The following DIP2B variants were observed in gnomAD, a reference collection of about 807,000 sequenced individuals.
The protein encoded by DIP2B is disco-interacting protein 2 homolog B.
Under a neutral mutation model 198.0 loss-of-function variants are expected in DIP2B, and 76 were observed. The ratio of observed to expected loss-of-function variants is 0.38; its 90% CI spans 0.32 to 0.46. DIP2B has a LOEUF of 0.46. Ranked by LOEUF, DIP2B falls within the 20% of genes least tolerant of loss-of-function variation. DIP2B has a pLI of 0.99. For missense variants in DIP2B, 1,559 were observed against 1,978.4 expected, an observed-to-expected ratio of 0.79 and a Z score of 4.02; for synonymous variants, 701 against 739.1, an observed-to-expected ratio of 0.95 and a Z score of 0.84.
chr12:50,589,238 GTT>G (rs576557950), intron 1 of DIP2B, among the ~76,000 whole-genome samples: 2 of 126,752 alleles, frequency 1.6e-5, no homozygotes. Context: ...GTTTGTCTTT[GTT>G]TTTTTTTTTT....
chr12:50,640,685 C>T lies in DIP2B; in HGVS notation c.173-39C>T, dbSNP rs200013830. 3.7e-5 allele frequency: 60 copies of T among 1,606,648 alleles called. No homozygotes were observed. The East Asian group carries it at 9.0e-4, about 24-fold the overall frequency. On this transcript the variant is annotated intron_variant, in intron 2 of 37. Transcript: ENST00000301180. ...GTGCTTTAGAAAATGTTAGCTATTA[C>T]TGTTACTGGATAACCATCTTTTAAA...
At position 50,680,908 on chromosome 12, in the gene DIP2B, C is replaced by T. The variant is rs188526582; in HGVS notation, c.1206+145C>T. Reference sequence around the variant, plus strand: ...AAAAATAAAAATGGTTTGGTTCCAACGCAGGTTAGCCCAATGCCAGATGAC... The same window carrying T: ...AAAAATAAAAATGGTTTGGTTCCAATGCAGGTTAGCCCAATGCCAGATGAC... On this transcript the variant is annotated intron_variant, in intron 9 of 37. Coordinates refer to ENST00000301180, the MANE Select transcript of DIP2B (RefSeq NM_173602.3). 3.8e-4 allele frequency: 309 copies of T among 814,526 alleles called. 1 individual carries two copies. Among genetic ancestry groups the T allele is most frequent in the Middle Eastern group, 7.7e-4 (2 of 2,598 alleles). The allele number at this position is 814,526 out of a possible 1,614,324, so 50.5% of individuals were successfully genotyped here.
chr12:50,674,749 A>G, intron 6 of DIP2B, 120 bp downstream of exon 6: 1 of 1,226,904 alleles, frequency 8.2e-7, no homozygotes, highest in Non-Finnish European at 1.1e-6. Flanking sequence ...TTGGCCCACT[A>G]ATAACTAATC....
intron 1 of DIP2B, among the ~76,000 whole-genome samples, chr12:50,578,503 T>TC (rs1193497246): frequency 2.2e-5 from 3 of 135,626 alleles, no homozygotes; most frequent in African/African-American, 8.3e-5. Flanking sequence ...TGTTATTTGC[T>TC]CTTTTTTTTT....
intron 1 of DIP2B, among the ~76,000 whole-genome samples, chr12:50,542,164 C>A (rs1297795592): frequency 1.4e-5 from 2 of 147,204 alleles, no homozygotes; most frequent in Non-Finnish European, 3.0e-5. Flanking sequence ...AGGAGAATGG[C>A]GTGAACCCGG....
chr12:50,567,761 C>T (rs1010866832), intron 1 of DIP2B, among the ~76,000 whole-genome samples: 1 of 152,184 alleles, frequency 6.6e-6, no homozygotes, highest in Non-Finnish European at 1.5e-5. Flanking sequence ...CTCCTGACCT[C>T]AGATGATCTG....
chr12:50,596,740 C>CTAAA (rs977414501), intron 1 of DIP2B, among the ~76,000 whole-genome samples: 1 of 151,982 alleles, frequency 6.6e-6, no homozygotes, highest in Non-Finnish European at 1.5e-5. Flanking sequence ...AACCCAGTCT[C>CTAAA]TAAATAAATA....
intron 1 of DIP2B, among the ~76,000 whole-genome samples, chr12:50,582,312 G>C: frequency 6.6e-6 from 1 of 151,718 alleles, no homozygotes; most frequent in East Asian, 1.9e-4. Context: ...CACCACGCCT[G>C]GCTAATTTTG....
intron 1 of DIP2B, among the ~76,000 whole-genome samples, chr12:50,541,394 A>G (rs952641441): frequency 6.7e-6 from 1 of 150,360 alleles, no homozygotes; most frequent in African/African-American, 2.4e-5. Context: ...TCCAAGGACA[A>G]AGAACATTCT....
At chr12:50,723,111 T>C in intron 26 of DIP2B, 91 bp from the exon 27 acceptor site, 6 of 1,526,800 alleles carry the variant, frequency 3.9e-6, no homozygotes, top group Non-Finnish European at 5.3e-6. Context: ...GTCTGGCACA[T>C]GATTTAATTG....
At chr12:50,546,050 G>C (rs1417634803) in intron 1 of DIP2B, among the ~76,000 whole-genome samples, 1 of 152,180 alleles carries the variant, frequency 6.6e-6, no homozygotes, top group East Asian at 1.9e-4. Flanking sequence ...ATAGCAGGTG[G>C]CAGTGCCTGT....
intron 1 of DIP2B, among the ~76,000 whole-genome samples, chr12:50,521,748 GC>G (rs1345448220): frequency 6.6e-6 from 1 of 151,494 alleles, no homozygotes; most frequent in Non-Finnish European, 1.5e-5. Context: ...CACTCCAACC[GC>G]CCCTCCGCCC....
intron 1 of DIP2B, among the ~76,000 whole-genome samples, chr12:50,536,058 A>G (rs112390560): frequency 0.27 from 40,313 of 150,166 alleles, 5,785 homozygotes; most frequent in Non-Finnish European, 0.34. Flanking sequence ...ATAGTATTCC[A>G]TGGTGTATAT....
chr12:50,527,408 C>G (rs1958176480), intron 1 of DIP2B, among the ~76,000 whole-genome samples: 1 of 152,216 alleles, frequency 6.6e-6, no homozygotes, highest in East Asian at 1.9e-4. Context: ...TAATTTTGCA[C>G]ATAGGAAAAT....
intron 1 of DIP2B, among the ~76,000 whole-genome samples, chr12:50,624,553 T>TG (rs1280577391): frequency 6.6e-6 from 1 of 152,140 alleles, no homozygotes; most frequent in Non-Finnish European, 1.5e-5. Context: ...AGGTTGGTCT[T>TG]GAACTCCCAA....
intron 1 of DIP2B, among the ~76,000 whole-genome samples, chr12:50,619,790 T>C (rs1937773078): frequency 6.6e-6 from 1 of 152,214 alleles, no homozygotes; most frequent in South Asian, 2.1e-4. Context: ...AGCGCATTGG[T>C]TCACACCTGT....
chr12:50,623,515 ACACACACACACACG>A (rs1179535449), intron 1 of DIP2B, among the ~76,000 whole-genome samples: 3 of 141,096 alleles, frequency 2.1e-5, no homozygotes, highest in African/African-American at 7.7e-5. Context: ...TTCCAGACAC[ACACACACACACACG>A]CACACACACA....
At chr12:50,708,082 G>A (rs1255757228) in intron 21 of DIP2B, among the ~76,000 whole-genome samples, 1 of 151,414 alleles carries the variant, frequency 6.6e-6, no homozygotes, top group South Asian at 2.1e-4. Flanking sequence ...TCAGGGAGGC[G>A]CCCCCCGAGC....
At chr12:50,670,403 C>T (rs567355432) in intron 4 of DIP2B, among the ~76,000 whole-genome samples, 26 of 151,916 alleles carry the variant, frequency 1.7e-4, no homozygotes, top group Non-Finnish European at 1.9e-4. Flanking sequence ...CTGTTTGGCA[C>T]GTATGTTTTT....
Sources: gnomAD v4.1 joint callset for allele counts (sites outside exome capture counted in the v4.1 genomes callset) on GRCh38, gnomAD v4.1.1 for gene constraint, MANE v1.5 for transcripts, NCBI Gene and HGNC (gene_info 2026-07-23, HGNC 2026-07-21) for gene names.